Variants in STK3 observed in about 807,000 individuals in gnomAD.
The protein encoded by STK3 is serine/threonine kinase 3.
A neutral mutation model predicts 58.0 loss-of-function variants in STK3; 41 were observed. The ratio of observed to expected loss-of-function variants is 0.71; its 90% CI spans 0.55 to 0.92. The LOEUF (loss-of-function observed/expected upper bound fraction) is 0.92, where lower values mean the gene tolerates loss of function less well. Among genes scored for constraint, STK3 ranks in the 40% least tolerant of loss-of-function variants. STK3 has a pLI of 0.00. For missense variants in STK3, 479 were observed against 602.7 expected (o/e 0.79, Z 2.15); for synonymous variants, 170 against 191.0 (o/e 0.89, Z 0.91).
chr8:98,405,788 T>A (rs1420194358), intron 3 of STK3, among the ~76,000 whole-genome samples: 1 of 152,176 alleles, frequency 6.6e-6, no homozygotes, highest in South Asian at 2.1e-4. Flanking sequence ...ACATCTTACA[T>A]GGATGGCAGC....
At chr8:98,459,338 T>C (rs992775648) in intron 10 of STK3, among the ~76,000 whole-genome samples, 9 of 152,234 alleles carry the variant, frequency 5.9e-5, no homozygotes, top group Admixed American at 1.3e-4. Context: ...GTGTTCAAGA[T>C]GTGACATGGG....
chr8:98,617,459 A>T (rs1587034565), intron 6 of STK3, among the ~76,000 whole-genome samples: 1 of 138,708 alleles, frequency 7.2e-6, no homozygotes, highest in African/African-American at 2.7e-5. Context: ...AAATAACTAA[A>T]ATCAGAGCAG....
At chr8:98,703,936 A>G (rs374733856) in intron 6 of STK3, among the ~76,000 whole-genome samples, 2 of 152,238 alleles carry the variant, frequency 1.3e-5, no homozygotes, top group East Asian at 3.8e-4. Context: ...ATGAAACAGT[A>G]AAGTTTATTA....
At chr8:98,365,365 C>T in the STK3 span, among the ~76,000 whole-genome samples, 2 of 152,148 alleles carry the variant, frequency 1.3e-5, no homozygotes, top group African/African-American at 4.8e-5. Context: ...ACAAGAACAG[C>T]AAGAAGTTGT....
chr8:98,586,205 C>T (rs1348287469), intron 7 of STK3, among the ~76,000 whole-genome samples: 2 of 151,504 alleles, frequency 1.3e-5, no homozygotes, highest in African/African-American at 4.9e-5. Flanking sequence ...CCAGTTTTTG[C>T]CCATTCAGTA....
At chr8:98,872,143 G>T (rs1452523290) in intron 3 of STK3, among the ~76,000 whole-genome samples, 1 of 152,064 alleles carries the variant, frequency 6.6e-6, no homozygotes, top group Non-Finnish European at 1.5e-5. Flanking sequence ...GATGGATTAC[G>T]TTTATTGATT....
intron 1 of STK3, among the ~76,000 whole-genome samples, chr8:98,797,756 G>C (rs1348951276): frequency 6.6e-6 from 1 of 152,154 alleles, no homozygotes; most frequent in African/African-American, 2.4e-5. Context: ...GGCAATCTTA[G>C]AGTTTGTGTA....
At chr8:98,569,124 A>G (rs903629473) in intron 8 of STK3, among the ~76,000 whole-genome samples, 24 of 152,182 alleles carry the variant, frequency 1.6e-4, no homozygotes, top group African/African-American at 5.8e-4. Flanking sequence ...AGCAAGGAAA[A>G]AGAGCAAGGT....
intron 3 of STK3, among the ~76,000 whole-genome samples, chr8:98,750,148 A>G (rs1003401184): frequency 6.6e-6 from 1 of 152,202 alleles, no homozygotes; most frequent in Non-Finnish European, 1.5e-5. Flanking sequence ...CTTTAATGCT[A>G]CAAGAGCTCA....
chr8:98,882,808 A>C (rs1222959550), downstream of STK3: 1 of 152,252 alleles, frequency 6.6e-6, no homozygotes, highest in Non-Finnish European at 1.5e-5. Flanking sequence ...TAAGGAAGAA[A>C]GATGTTAAAC....
intron 3 of STK3, among the ~76,000 whole-genome samples, chr8:98,838,435 A>G (rs981584432): frequency 2.0e-5 from 3 of 152,082 alleles, no homozygotes; most frequent in Admixed American, 6.6e-5. Flanking sequence ...AGGCGAGGAG[A>G]GTTAGGGAAG....
At chr8:98,789,862 ACTT>A (rs2131573791) in intron 1 of STK3, among the ~76,000 whole-genome samples, 1 of 152,216 alleles carries the variant, frequency 6.6e-6, no homozygotes, top group East Asian at 1.9e-4. Flanking sequence ...CCCTGTCTCT[ACTT>A]AAAATAGAAA....
At chr8:98,729,436 C>T (rs1053265120) in intron 4 of STK3, among the ~76,000 whole-genome samples, 4 of 152,070 alleles carry the variant, frequency 2.6e-5, no homozygotes, top group Non-Finnish European at 4.4e-5. Context: ...ATTAAAGAAA[C>T]TAACACTGTA....
intron 6 of STK3, among the ~76,000 whole-genome samples, chr8:98,633,157 A>T (rs1274671401): frequency 1.3e-5 from 2 of 152,158 alleles, no homozygotes; most frequent in African/African-American, 4.8e-5. Flanking sequence ...AGTTCCCAAG[A>T]TAGAATGTGT....
At chr8:98,827,732 G>A (rs1314969205), upstream of STK3, among the ~76,000 whole-genome samples, 1 of 151,928 alleles carries the variant, frequency 6.6e-6, no homozygotes, top group Non-Finnish European at 1.5e-5. Flanking sequence ...ATGCCTCACT[G>A]CAGCCTCAAC....
chr8:98,518,577 T>C (rs1457305657), intron 10 of STK3, among the ~76,000 whole-genome samples: 1 of 152,180 alleles, frequency 6.6e-6, no homozygotes, highest in Non-Finnish European at 1.5e-5. Flanking sequence ...TAAACACTTT[T>C]CTTTGAAGCA....
At chr8:98,639,420 G>T (rs1245595746) in intron 6 of STK3, among the ~76,000 whole-genome samples, 3 of 151,994 alleles carry the variant, frequency 2.0e-5, no homozygotes, top group Non-Finnish European at 4.4e-5. Context: ...GTCCAATATG[G>T]ATATTAATCC....
At chr8:98,678,404 TAATA>T (rs932073022) in intron 6 of STK3, among the ~76,000 whole-genome samples, 14 of 152,198 alleles carry the variant, frequency 9.2e-5, no homozygotes, top group Admixed American at 2.0e-4. Context: ...TTATGATATT[TAATA>T]AATAATTTAT....
intron 9 of STK3, among the ~76,000 whole-genome samples, chr8:98,527,582 T>C (rs867633051): frequency 2.0e-5 from 3 of 152,136 alleles, no homozygotes; most frequent in Admixed American, 6.6e-5. Flanking sequence ...ATTGTGCCAC[T>C]GCACTCCAGC....
Sources: gnomAD v4.1 joint callset for allele counts (sites outside exome capture counted in the v4.1 genomes callset) on GRCh38, gnomAD v4.1.1 for gene constraint, MANE v1.5 for transcripts, NCBI Gene and HGNC (gene_info 2026-07-23, HGNC 2026-07-21) for gene names.